CFAP44: variants seen among roughly 807,000 people sequenced by gnomAD.
CFAP44 encodes the protein cilia- and flagella-associated protein 44.
In CFAP44, 134 loss-of-function variants were observed where a neutral mutation model predicts 216.2. That is an observed-to-expected ratio of 0.62 (90% confidence interval 0.54 to 0.72). The LOEUF (loss-of-function observed/expected upper bound fraction) is 0.72. CFAP44 is among the 30% of genes least tolerant of loss of function. The pLI is 0.00. For synonymous variants in CFAP44, 700 were observed against 727.6 expected, an observed-to-expected ratio of 0.96 and a Z score of 0.61; for missense variants, 2,035 against 2,182.1, an observed-to-expected ratio of 0.93 and a Z score of 1.34.
chr3:113,385,119 T>C (rs745545532), intron 15 of CFAP44, among the ~76,000 whole-genome samples: 7 of 152,202 alleles, frequency 4.6e-5, no homozygotes, highest in South Asian at 2.1e-4. Flanking sequence ...GACTTCTTCT[T>C]GCCTGCCGCC....
In CFAP44 at chr3:113,408,834, G is replaced by C. The variant is rs552042769; in HGVS notation, c.890+272C>G. ...GCTGAGATCATGCCATTGCACTCCA[G>C]CCTGGGCAACAAAAGCGAAACTCCA... On this transcript the variant is annotated intron_variant, in intron 7 of 34. Transcript: ENST00000393845. 1.5e-4 allele frequency among the ~76,000 whole-genome samples: 21 copies of C among 140,702 alleles called. No individual in the cohort carries two copies. The South Asian group carries it at 1.6e-3, about 11-fold the overall frequency. 92.3% of individuals were successfully genotyped at this position (140,702 alleles called of 152,430 possible). A position where few individuals can be genotyped will look rare whatever the true frequency, so the allele number is the denominator to read the frequency against.
At chr3:113,365,555 T>A (rs1950579004) in intron 19 of CFAP44, among the ~76,000 whole-genome samples, 1 of 152,084 alleles carries the variant, frequency 6.6e-6, no homozygotes, top group Admixed American at 6.6e-5. Context: ...GTTCTGCTTT[T>A]AAAAAAATAC....
chr3:113,369,859 A>G (rs1933091916), intron 18 of CFAP44, among the ~76,000 whole-genome samples: 1 of 152,226 alleles, frequency 6.6e-6, no homozygotes, highest in African/African-American at 2.4e-5. Flanking sequence ...AAGAAAAGAG[A>G]GGAATCAAAT....
In CFAP44 at chr3:113,373,533, T is replaced by G; in HGVS notation, c.2322A>C (p.Leu774=). The G allele has an allele frequency of 1.3e-6, 2 of 1,594,928 alleles. No homozygotes were observed. Among genetic ancestry groups the G allele is most frequent in the Non-Finnish European group, 1.7e-6 (2 of 1,170,138 alleles). Residue 774 remains leucine (L), a synonymous_variant, in exon 18 of 35, where the codon CTA becomes CTC. Transcript: ENST00000393845. ...VSLGGYDSGF[L]YHCEFPPCDE... ...CACAAGGGGGGAACTCACAGTGATA[T>G]AGAAAACCAGAATCATAGCCACCCT...
At chr3:113,322,454 T>C (rs892621735) in intron 28 of CFAP44, among the ~76,000 whole-genome samples, 1 of 152,096 alleles carries the variant, frequency 6.6e-6, no homozygotes, top group African/African-American at 2.4e-5. Context: ...TCTCAAAAGA[T>C]TACCTACAAG....
At chr3:113,300,626 C>CA (rs893968034) in intron 32 of CFAP44, among the ~76,000 whole-genome samples, 3 of 149,890 alleles carry the variant, frequency 2.0e-5, no homozygotes, top group Admixed American at 1.3e-4. Context: ...GGATTAGTAT[C>CA]AAAAAAAAAT....
At chr3:113,317,036 T>TGAG (rs1422692073) in intron 28 of CFAP44, among the ~76,000 whole-genome samples, 2 of 151,810 alleles carry the variant, frequency 1.3e-5, no homozygotes, top group African/African-American at 4.8e-5. Flanking sequence ...ACAGCGAAGG[T>TGAG]GAGGCTGAAG....
rs78228258 is a variant in CFAP44 at position 113,376,142 on chromosome 3, G to A, written c.2299-2586C>T. Among the ~76,000 whole-genome samples, 690 of 152,118 alleles carry A rather than the reference G, an allele frequency of 4.5e-3. 6 individuals carry two copies. The highest frequency in any genetic ancestry group is 0.016 in the African/African-American group (669 of 41,472). Reference sequence around the variant, plus strand: ...TACTGTTTACAAGAGACCTACTTTCGATATAAGGGTATCAAATAGTAAAGG... The same window carrying A: ...TACTGTTTACAAGAGACCTACTTTCAATATAAGGGTATCAAATAGTAAAGG... On this transcript the variant is annotated intron_variant, in intron 17 of 34. Transcript: ENST00000393845.
intron 4 of CFAP44, among the ~76,000 whole-genome samples, chr3:113,425,812 T>C (rs888009316): frequency 1.5e-4 from 23 of 152,198 alleles, no homozygotes; most frequent in African/African-American, 5.5e-4. Context: ...CTATCAAATC[T>C]CTAAGAATTC....
chr3:113,328,714 A>AAAAAC (rs1559912995), intron 26 of CFAP44, among the ~76,000 whole-genome samples: 1 of 149,262 alleles, frequency 6.7e-6, no homozygotes, highest in Admixed American at 6.7e-5. Context: ...AAAAAAAAAA[A>AAAAAC]AAAAAAAAAA....
In CFAP44 at chr3:113,288,481, A is replaced by C. The variant is rs752342860; in HGVS notation, c.*3076T>G. The C allele has an allele frequency of 3.3e-5, 5 of 152,234 alleles. No homozygotes were observed. Among genetic ancestry groups the C allele is most frequent in the Non-Finnish European group, 7.3e-5 (5 of 68,060 alleles). The allele number at this position is 152,234 out of a possible 1,614,324, so 9.4% of individuals were successfully genotyped here. Reference sequence around the variant, plus strand: ...AAAATAAGATACTGTGATTTCAGACAACCTGGCATCACGGCCCAGAGCTCA... The same window carrying C: ...AAAATAAGATACTGTGATTTCAGACCACCTGGCATCACGGCCCAGAGCTCA... On this transcript the variant is annotated 3_prime_UTR_variant, in exon 35 of 35. Transcript: ENST00000393845.
At chr3:113,340,043 G>T (rs185078655) in intron 24 of CFAP44, among the ~76,000 whole-genome samples, 1 of 152,318 alleles carries the variant, frequency 6.6e-6, no homozygotes, top group Admixed American at 6.5e-5. Context: ...CATTGGCCCT[G>T]TGGGGTTGCG....
intron 32 of CFAP44, among the ~76,000 whole-genome samples, chr3:113,302,504 G>A (rs1241477768): frequency 7.1e-6 from 1 of 141,108 alleles, no homozygotes; most frequent in South Asian, 2.3e-4. Flanking sequence ...TGTGGCTCTC[G>A]CCTGTAATCC....
At chr3:113,410,116 T>C (rs1321886757) in intron 6 of CFAP44, among the ~76,000 whole-genome samples, 2 of 152,208 alleles carry the variant, frequency 1.3e-5, no homozygotes, top group Non-Finnish European at 2.9e-5. Flanking sequence ...GAGTAGCCAT[T>C]CTTTTATTCC....
chr3:113,289,432 C>T lies in CFAP44; in HGVS notation c.*2125G>A, dbSNP rs1026849758. The T allele has an allele frequency of 2.6e-5, 4 of 152,200 alleles. No individual in the cohort carries two copies. Among genetic ancestry groups the T allele is most frequent in the African/African-American group, 7.2e-5 (3 of 41,456 alleles). 9.4% of individuals were successfully genotyped at this position (152,200 alleles called of 1,614,324 possible). A position where few individuals can be genotyped will look rare whatever the true frequency, so the allele number is the denominator to read the frequency against. On this transcript the variant is annotated 3_prime_UTR_variant, in exon 35 of 35. Transcript: ENST00000393845. ...TTCTTGCTGCAATCAGAATCAGAATCTCAGAATGGGAAGGAACCCATTCTA... is the reference window on the plus strand; with the variant it reads ...TTCTTGCTGCAATCAGAATCAGAATTTCAGAATGGGAAGGAACCCATTCTA...
intron 15 of CFAP44, among the ~76,000 whole-genome samples, chr3:113,395,051 T>A (rs1241791815): frequency 6.6e-6 from 1 of 152,244 alleles, no homozygotes; most frequent in Non-Finnish European, 1.5e-5. Flanking sequence ...AATACTAATA[T>A]ATTTTATGGC....
At chr3:113,414,231 G>T (rs553824242) in intron 6 of CFAP44, among the ~76,000 whole-genome samples, 1 of 152,272 alleles carries the variant, frequency 6.6e-6, no homozygotes, top group South Asian at 2.1e-4. Flanking sequence ...CTTTGCTGAA[G>T]TTGCTTATCA....
intron 4 of CFAP44, among the ~76,000 whole-genome samples, chr3:113,421,794 A>G (rs1428809460): frequency 6.7e-6 from 1 of 148,524 alleles, no homozygotes; most frequent in African/African-American, 2.5e-5. Context: ...TTGAGTACAC[A>G]CAGACACAAA....
At chr3:113,437,135 G>A (rs561837177) in intron 1 of CFAP44, among the ~76,000 whole-genome samples, 4 of 152,290 alleles carry the variant, frequency 2.6e-5, no homozygotes, top group Non-Finnish European at 5.9e-5. Context: ...AGTTCCAGAG[G>A]CCACTCGCAT....
Sources: gnomAD v4.1 joint callset for allele counts (sites outside exome capture counted in the v4.1 genomes callset) on GRCh38, gnomAD v4.1.1 for gene constraint, MANE v1.5 for transcripts, NCBI Gene and HGNC (gene_info 2026-07-23, HGNC 2026-07-21) for gene names.